Variants in MYO1H observed in about 807,000 individuals in gnomAD.
MYO1H encodes unconventional myosin-Ih.
MYO1H carries 118 observed loss-of-function variants against 149.3 expected under a neutral mutation model. The ratio of observed to expected loss-of-function variants is 0.79; its 90% CI spans 0.68 to 0.92. MYO1H has a LOEUF of 0.92. Ranked by LOEUF, MYO1H falls within the 40% of genes least tolerant of loss-of-function variation. The pLI, the probability that MYO1H is intolerant of heterozygous loss-of-function variation, is 0.00. For synonymous variants in MYO1H, 447 were observed against 465.2 expected, an observed-to-expected ratio of 0.96 and a Z score of 0.50; for missense variants, 1,212 against 1,280.7, an observed-to-expected ratio of 0.95 and a Z score of 0.82.
the MYO1H span, among the ~76,000 whole-genome samples, chr12:109,341,922 G>A: frequency 6.6e-6 from 1 of 152,110 alleles, no homozygotes; most frequent in Non-Finnish European, 1.5e-5. Flanking sequence ...GCTGCTGCAG[G>A]CTGTGGGTCA....
At chr12:109,383,517 T>C (rs1438762567) in intron 1 of MYO1H, among the ~76,000 whole-genome samples, 53 of 152,242 alleles carry the variant, frequency 3.5e-4, no homozygotes, top group Admixed American at 3.5e-3. Flanking sequence ...CTGTGGGTGT[T>C]GATGACTCTT....
chr12:109,352,114 A>G (rs770140387), intron 1 of MYO1H, among the ~76,000 whole-genome samples: 33 of 152,212 alleles, frequency 2.2e-4, no homozygotes, highest in Admixed American at 7.2e-4. Context: ...CTTTTGGGGA[A>G]TGGATTCCTT....
chr12:109,357,590 G>A (rs994086042), intron 1 of MYO1H, among the ~76,000 whole-genome samples: 3 of 152,086 alleles, frequency 2.0e-5, no homozygotes, highest in African/African-American at 7.2e-5. Flanking sequence ...CTTTATTTAT[G>A]GATACTGAAA....
chr12:109,334,644 C>T, the MYO1H span, among the ~76,000 whole-genome samples: 3 of 152,284 alleles, frequency 2.0e-5, no homozygotes, highest in Admixed American at 1.3e-4. Flanking sequence ...TTTTTCTTGT[C>T]TATGTATCTC....
chr12:109,423,203 G>A (rs1256796910), intron 16 of MYO1H, among the ~76,000 whole-genome samples: 2 of 152,154 alleles, frequency 1.3e-5, no homozygotes, highest in Non-Finnish European at 1.5e-5. Context: ...CTGTCACCCA[G>A]GCTAGAGTAC....
upstream of MYO1H, among the ~76,000 whole-genome samples, chr12:109,345,028 A>G (rs6606702): frequency 0.51 from 76,862 of 151,996 alleles, 20,233 homozygotes; most frequent in African/African-American, 0.63. Context: ...CATCTTTGTG[A>G]CCTTGAATTA....
chr12:109,352,506 C>G (rs137906671), intron 1 of MYO1H, among the ~76,000 whole-genome samples: 6 of 152,298 alleles, frequency 3.9e-5, no homozygotes, highest in African/African-American at 1.4e-4. Flanking sequence ...AAACTAGAAT[C>G]CTTATTACAT....
At chr12:109,387,082 A>G (rs1869366821) in intron 1 of MYO1H, among the ~76,000 whole-genome samples, 1 of 142,226 alleles carries the variant, frequency 7.0e-6, no homozygotes, top group Non-Finnish European at 1.5e-5. Flanking sequence ...ATGCATTTTT[A>G]CTTTCTTTTT....
At chr12:109,401,317 G>A (rs777478966) in intron 6 of MYO1H, 45 bp downstream of exon 6, 5 of 1,553,302 alleles carry the variant, frequency 3.2e-6, no homozygotes, top group Middle Eastern at 1.9e-4. Flanking sequence ...TTGGAGCAGG[G>A]GATCAGAGAT....
At chr12:109,443,081 CGT>C (rs1566044808) in intron 27 of MYO1H, among the ~76,000 whole-genome samples, 4 of 38,536 alleles carry the variant, frequency 1.0e-4, no homozygotes, top group African/African-American at 3.3e-4. Context: ...TATATGTGTA[CGT>C]ATGTGTGTAT....
chr12:109,342,310 A>G, the MYO1H span, among the ~76,000 whole-genome samples: 1 of 151,600 alleles, frequency 6.6e-6, no homozygotes, highest in African/African-American at 2.4e-5. Flanking sequence ...ACGCTCAGCT[A>G]ATTTTTGTAT....
chr12:109,445,519 G>C (rs1046105527), exon 31 of MYO1H: 1 of 1,609,830 alleles, frequency 6.2e-7, no homozygotes, highest in African/African-American at 1.3e-5. Context: ...TAAGTTTACA[G>C]TTTTTTATTA....
intron 3 of MYO1H, among the ~76,000 whole-genome samples, chr12:109,394,723 C>G (rs1181923192): frequency 6.6e-6 from 1 of 152,096 alleles, no homozygotes; most frequent in East Asian, 1.9e-4. Flanking sequence ...GGTGACTCAG[C>G]TATTCCACTT....
chr12:109,380,023 G>A (rs1036812167), intron 1 of MYO1H, among the ~76,000 whole-genome samples: 1 of 151,446 alleles, frequency 6.6e-6, no homozygotes, highest in South Asian at 2.1e-4. Flanking sequence ...AAGCCACCAC[G>A]CCCGGCCAGC....
chr12:109,320,844 C>CT, the MYO1H span, among the ~76,000 whole-genome samples: 2 of 151,928 alleles, frequency 1.3e-5, no homozygotes, highest in African/African-American at 2.4e-5. Context: ...AATCCCAGCA[C>CT]TTTGAGAGGC....
intron 1 of MYO1H, among the ~76,000 whole-genome samples, chr12:109,373,749 AT>A (rs1869035404): frequency 6.6e-6 from 1 of 152,226 alleles, no homozygotes; most frequent in African/African-American, 2.4e-5. Context: ...AACTTAAAGA[AT>A]AACAAACACT....
At position 109,439,622 on chromosome 12, in the gene MYO1H, C is replaced by T. The variant is rs538321383; in HGVS notation, c.2295-9C>T. 3 of 1,603,738 alleles carry T rather than the reference C, an allele frequency of 1.9e-6. No homozygotes were observed. The highest frequency in any genetic ancestry group is 2.2e-5 in the South Asian group (2 of 89,668). ...GTCCAGAAAAGTAAGAAAACATTTT[C>T]CTTTTTAGGTTCATTAAAGGATTCA... On this transcript the variant is annotated splice_polypyrimidine_tract_variant and intron_variant, in intron 23 of 31. Transcript: ENST00000310903.
chr12:109,409,197 CCTTCTCCTTCTT>C (rs1216288084), intron 10 of MYO1H, among the ~76,000 whole-genome samples: 7 of 147,290 alleles, frequency 4.8e-5, no homozygotes, highest in East Asian at 4.0e-4. Context: ...TTCTCCATCT[CCTTCTCCTTCTT>C]CTTCTCCTTC....
the MYO1H span, among the ~76,000 whole-genome samples, chr12:109,310,708 G>A: frequency 6.6e-6 from 1 of 152,096 alleles, no homozygotes; most frequent in Admixed American, 6.5e-5. Flanking sequence ...CAGGTGGGCT[G>A]TGACCTTGGC....
Sources: allele counts gnomAD v4.1 joint callset (sites outside exome capture counted in the v4.1 genomes callset), GRCh38; gene constraint gnomAD v4.1.1; transcripts MANE v1.5; gene names NCBI Gene and HGNC (gene_info 2026-07-23, HGNC 2026-07-21).